Variants in BAIAP2L1 observed in about 807,000 individuals in gnomAD.
BAIAP2L1 encodes BAR/IMD domain containing adaptor protein 2 like 1, also known as BAR/IMD domain-containing adapter protein 2-like 1.
A neutral mutation model predicts 66.3 loss-of-function variants in BAIAP2L1; 35 were observed. The observed-to-expected ratio is 0.53, with a 90% CI of 0.40 to 0.70. BAIAP2L1 has a LOEUF of 0.70. BAIAP2L1 is among the 30% of genes least tolerant of loss of function. The pLI is 0.00. For missense variants in BAIAP2L1, 622 were observed against 656.9 expected (o/e 0.95, Z 0.58); for synonymous variants, 269 against 248.7 (o/e 1.08, Z -0.77).
chr7:98,293,838 C>CT (rs1324498201), intron 13 of BAIAP2L1, among the ~76,000 whole-genome samples: 1 of 152,236 alleles, frequency 6.6e-6, no homozygotes, highest in Non-Finnish European at 1.5e-5. Flanking sequence ...ACCCACACCT[C>CT]TTTAGTCCTG....
intron 1 of BAIAP2L1, among the ~76,000 whole-genome samples, chr7:98,379,513 C>A (rs1351125418): frequency 6.6e-6 from 1 of 152,190 alleles, no homozygotes; most frequent in African/African-American, 2.4e-5. Context: ...CGGCCTTCTA[C>A]CTACCAAGTC....
chr7:98,320,674 G>C (rs1379765371), intron 3 of BAIAP2L1, among the ~76,000 whole-genome samples: 2 of 152,124 alleles, frequency 1.3e-5, no homozygotes, highest in Non-Finnish European at 2.9e-5. Context: ...AAGTGAAACA[G>C]AACAGGGAAA....
At chr7:98,343,451 A>AAAAT (rs1199573946) in intron 3 of BAIAP2L1, among the ~76,000 whole-genome samples, 2 of 152,054 alleles carry the variant, frequency 1.3e-5, no homozygotes, top group African/African-American at 2.4e-5. Context: ...ACTCTGTCTC[A>AAAAT]AAATAAATAA....
chr7:98,380,228 C>T (rs561867190), intron 1 of BAIAP2L1, among the ~76,000 whole-genome samples: 1 of 152,078 alleles, frequency 6.6e-6, no homozygotes, highest in East Asian at 1.9e-4. Context: ...TAGGTACGCA[C>T]CAACACACCC....
intron 2 of BAIAP2L1, among the ~76,000 whole-genome samples, chr7:98,356,550 G>A (rs1273787533): frequency 6.6e-6 from 1 of 151,340 alleles, no homozygotes; most frequent in Non-Finnish European, 1.5e-5. Flanking sequence ...AGGCTGGAGT[G>A]CAGTGGCAAG....
intron 5 of BAIAP2L1, among the ~76,000 whole-genome samples, chr7:98,318,350 C>T (rs1801141902): frequency 1.3e-5 from 2 of 152,120 alleles, no homozygotes; most frequent in Admixed American, 1.3e-4. Flanking sequence ...TTGCAGCAAG[C>T]TGAGATCGCG....
At chr7:98,325,069 G>C (rs1382624856) in intron 3 of BAIAP2L1, among the ~76,000 whole-genome samples, 1 of 152,232 alleles carries the variant, frequency 6.6e-6, no homozygotes, top group Non-Finnish European at 1.5e-5. Flanking sequence ...ATGCTGCAGA[G>C]ATTAAAGTAA....
chr7:98,386,444 C>T (rs1361836981), intron 1 of BAIAP2L1: 10 of 1,596,396 alleles, frequency 6.3e-6, no homozygotes, highest in African/African-American at 5.3e-5. Context: ...TGGTGACGAG[C>T]GTCTTTCCAA....
At chr7:98,398,841 T>A (rs567901187) in intron 1 of BAIAP2L1, among the ~76,000 whole-genome samples, 1 of 152,130 alleles carries the variant, frequency 6.6e-6, no homozygotes, top group East Asian at 1.9e-4. Flanking sequence ...TGGTCTCAAG[T>A]TGCAATCGCA....
chr7:98,363,173 T>C (rs1181300596), intron 1 of BAIAP2L1, among the ~76,000 whole-genome samples: 3 of 151,888 alleles, frequency 2.0e-5, no homozygotes, highest in Non-Finnish European at 2.9e-5. Flanking sequence ...TAGCTGGGAT[T>C]ACAGGAGCCC....
intron 3 of BAIAP2L1, among the ~76,000 whole-genome samples, chr7:98,348,569 C>CA (rs752966671): frequency 0.016 from 1,731 of 109,830 alleles, 35 homozygotes; most frequent in African/African-American, 0.046. Context: ...TCTGCCTCCA[C>CA]AAAAAAAAAA....
chr7:98,300,089 C>G (rs899769884), intron 12 of BAIAP2L1, among the ~76,000 whole-genome samples: 1 of 152,324 alleles, frequency 6.6e-6, no homozygotes, highest in East Asian at 1.9e-4. Flanking sequence ...CTAGTTCCTT[C>G]GTTGCACCAT....
chr7:98,373,634 G>A (rs968206025), intron 1 of BAIAP2L1, among the ~76,000 whole-genome samples: 2 of 152,134 alleles, frequency 1.3e-5, no homozygotes, highest in South Asian at 2.1e-4. Context: ...AGGGGCATGA[G>A]GATTCAGTGA....
chr7:98,376,392 G>A (rs997978228), intron 1 of BAIAP2L1, among the ~76,000 whole-genome samples: 2 of 151,914 alleles, frequency 1.3e-5, no homozygotes, highest in Non-Finnish European at 2.9e-5. Context: ...TGTGCTTGTG[G>A]TCCCAGCTAC....
intron 3 of BAIAP2L1, among the ~76,000 whole-genome samples, chr7:98,345,191 G>A (rs576749207): frequency 2.0e-5 from 3 of 152,298 alleles, no homozygotes; most frequent in African/African-American, 7.2e-5. Flanking sequence ...TAACATGGAA[G>A]AGAACAATAA....
chr7:98,298,456 C>G (rs1800280843), intron 12 of BAIAP2L1, among the ~76,000 whole-genome samples: 1 of 152,088 alleles, frequency 6.6e-6, no homozygotes, highest in Non-Finnish European at 1.5e-5. Flanking sequence ...AATAAAAATA[C>G]AAAAAACTTA....
At chr7:98,357,797 G>A (rs1332676247) in intron 2 of BAIAP2L1, among the ~76,000 whole-genome samples, 13 of 152,116 alleles carry the variant, frequency 8.5e-5, no homozygotes, top group Non-Finnish European at 2.9e-5. Context: ...TCATCAGCCC[G>A]TTGCGCTAAG....
rs377026754 is a variant in BAIAP2L1 at position 98,307,900 on chromosome 7, T to G, written c.956-4A>C. ...AAACTGGGATCTTCGGAAGTACCTGTTGGAGGGAGTGTAGCAGTAATGGCT... is the reference window on the plus strand; with the variant it reads ...AAACTGGGATCTTCGGAAGTACCTGGTGGAGGGAGTGTAGCAGTAATGGCT... On this transcript the variant is annotated splice_region_variant and splice_polypyrimidine_tract_variant and intron_variant, in intron 9 of 13. Transcript: ENST00000005260. The G allele has an allele frequency of 6.2e-6, 10 of 1,614,128 alleles. No individual in the cohort carries two copies. Among genetic ancestry groups the G allele is most frequent in the Non-Finnish European group, 6.8e-6 (8 of 1,179,954 alleles).
chr7:98,292,782 G>T lies in BAIAP2L1; in HGVS notation c.*739C>A. 1 of 1,546,528 alleles carries T rather than the reference G, an allele frequency of 6.5e-7. No homozygotes were observed. Among genetic ancestry groups the T allele is most frequent in the South Asian group, 1.2e-5 (1 of 83,620 alleles). The stretch of plus-strand genomic sequence containing the variant: ...AACTAGCTGAGTGAGAACACAAGGA[G>T]CCGTGACTCCGACGCCCAGGCCTGT... On this transcript the variant is annotated 3_prime_UTR_variant, in exon 14 of 14. Coordinates refer to ENST00000005260, the MANE Select transcript of BAIAP2L1 (RefSeq NM_018842.5).
Sources: allele counts gnomAD v4.1 joint callset (sites outside exome capture counted in the v4.1 genomes callset), GRCh38; gene constraint gnomAD v4.1.1; transcripts MANE v1.5; gene names NCBI Gene and HGNC (gene_info 2026-07-23, HGNC 2026-07-21).